Variants in SMG1 observed in about 807,000 individuals in gnomAD.
SMG1 encodes the protein SMG1 nonsense mediated mRNA decay associated PI3K related kinase, also known as serine/threonine-protein kinase SMG1.
Under a neutral mutation model 419.9 loss-of-function variants are expected in SMG1, and 22 were observed. That is an observed-to-expected ratio of 0.05 (90% CI 0.04 to 0.07). The LOEUF is 0.07. Among genes scored for constraint, SMG1 ranks in the 10% least tolerant of loss-of-function variants. The pLI, the probability that SMG1 is intolerant of heterozygous loss-of-function variation, is 1.00. For missense variants in SMG1, 3,185 were observed against 4,342.0 expected (o/e 0.73, Z 7.49); for synonymous variants, 1,538 against 1,553.5 (o/e 0.99, Z 0.23).
At position 18,846,325 on chromosome 16, in the gene SMG1, A is replaced by G. The variant is rs112807210; in HGVS notation, c.5997-674T>C. On this transcript the variant is annotated intron_variant, in intron 38 of 62. Transcript: ENST00000446231. ...AGGTTTCATGACCCCAGACTTGGCAATGATTCCTTGGATATGGCACCAAAA... is the reference window on the plus strand; with the variant it reads ...AGGTTTCATGACCCCAGACTTGGCAGTGATTCCTTGGATATGGCACCAAAA... Among the ~76,000 whole-genome samples, 552 of 152,328 alleles carry G rather than the reference A, an allele frequency of 3.6e-3. 4 individuals are homozygous for G. The highest frequency in any genetic ancestry group is 0.013 in the African/African-American group (523 of 41,574).
Position 18,869,938 on chromosome 16 carries a change from C to T in SMG1, c.2549G>A (p.Ser850Asn), listed in dbSNP as rs1338963571. 3.9e-6 allele frequency: 6 copies of T among 1,525,108 alleles called. No homozygotes were observed. Among genetic ancestry groups the T allele is most frequent in the Admixed American group, 3.5e-5 (2 of 56,784 alleles). 94.5% of individuals were successfully genotyped at this position (1,525,108 alleles called of 1,614,324 possible). The change falls in exon 19 of 63, where the codon AGT (serine) becomes AAT (asparagine). Residue 850 changes from serine to asparagine, a missense_variant. Ser to Asn is a conservative substitution (Grantham distance 46, BLOSUM62 1). This residue lies in a region of SMG1 where 297 missense variants were observed against 491.0 expected (regional missense o/e 0.60). Coordinates refer to ENST00000446231, the MANE Select transcript of SMG1 (RefSeq NM_015092.5). ...GTGGAATGTATTACTTGGTGCTTTA[C>T]TCATGTGACTTCTTAATGCTAAAGA... ...EISLALRSHM[S>N]KAPSNTFHPQ... is the part of the protein sequence containing the mutation.
At position 18,829,476 on chromosome 16, in the gene SMG1, C is replaced by G. The variant is rs969879935; in HGVS notation, c.9413G>C (p.Cys3138Ser). The G allele has an allele frequency of 3.5e-5, 57 of 1,613,912 alleles. No individual in the cohort carries two copies. Among genetic ancestry groups the G allele is most frequent in the Non-Finnish European group, 4.8e-5 (57 of 1,179,912 alleles). Residue 3138 changes from cysteine to serine, a missense_variant, in exon 54 of 63, where the codon TGT (cysteine) becomes TCT (serine). Cys to Ser is a moderately radical substitution (Grantham distance 112). This residue lies in a region of SMG1 where 737 missense variants were observed against 846.6 expected (regional missense o/e 0.87). Transcript: ENST00000446231. ...AESKVSVDDL[C>S]KKAVEHNIQI... ...GATGTTATGTTCCACCGCTTTCTTA[C>G]AGAGATCATCAACAGAAACTTTGCT...
At chr16:18,827,975 G>A in intron 55 of SMG1, 56 bp downstream of exon 55, 1 of 1,552,574 alleles carries the variant, frequency 6.4e-7, no homozygotes, top group East Asian at 2.3e-5. Flanking sequence ...AACAATCATA[G>A]TATTGGTTAT....
chr16:18,850,383 A>C lies in SMG1; in HGVS notation c.5137T>G (p.Ser1713Ala), dbSNP rs201727799. 1 of 1,614,006 alleles carries C rather than the reference A, an allele frequency of 6.2e-7. No homozygotes were observed. The highest frequency in any genetic ancestry group is 8.5e-7 in the Non-Finnish European group (1 of 1,179,884). Residue 1713 changes from serine to alanine, a missense_variant, in exon 34 of 63, where the codon TCA (serine) becomes GCA (alanine). Around this residue, in one of 27 missense-constraint regions of SMG1, gnomAD observed 493 missense variants for 552.9 expected, o/e 0.89. Transcript: ENST00000446231. ...MVDVIWRQLI[S>A]SCPWLSELDE... ...AGTTCTGAAAGCCATGGGCAGCTTG[A>C]TATCAACTGACGCCAGATAACATCA...
chr16:18,817,308 G>A lies in SMG1; in HGVS notation c.10057C>T (p.Arg3353Cys), dbSNP rs1330290295. ...FNSSVSELEL[R>C]LLQRVDTGLE... ...AGACTCACCACTCTCTGTAATAAAC[G>A]AAGCTCTAACTCAGACACTGAACTG... The change falls in exon 57 of 63, where the codon CGT (arginine) becomes TGT (cysteine). Residue 3353 changes from arginine to cysteine, a missense_variant. Arg to Cys is a radical substitution (Grantham distance 180). Around this residue, in one of 27 missense-constraint regions of SMG1, gnomAD observed 737 missense variants for 846.6 expected, o/e 0.87. Coordinates refer to ENST00000446231, the MANE Select transcript of SMG1 (RefSeq NM_015092.5). 1.9e-6 allele frequency: 3 copies of A among 1,603,894 alleles called. No individual in the cohort carries two copies. Among genetic ancestry groups the A allele is most frequent in the Non-Finnish European group, 2.6e-6 (3 of 1,175,152 alleles).
chr16:18,844,252 A>C (rs2034099359), intron 39 of SMG1, among the ~76,000 whole-genome samples: 1 of 152,022 alleles, frequency 6.6e-6, no homozygotes, highest in East Asian at 1.9e-4. Flanking sequence ...AACATGGTGA[A>C]ACTCCGTCTC....
At chr16:18,857,822 A>G (rs1317911427) in intron 29 of SMG1, 1 of 172,356 alleles carries the variant, frequency 5.8e-6, no homozygotes, top group Non-Finnish European at 1.2e-5. Context: ...GATACATGCA[A>G]TATGGGTGAA....
chr16:18,841,713 T>G lies in SMG1; in HGVS notation c.6548A>C (p.Gln2183Pro), dbSNP rs1207451641. Residue 2183 changes from glutamine (Q) to proline (P), a missense_variant, in exon 41 of 63, where the codon CAA becomes CCA. Transcript: ENST00000446231. ...VNTMFATINR[Q>P]ETPRFHARHY... is the part of the protein sequence containing the mutation. ...TCGAGCATGGAACCGGGGTGTTTCTTGGCGATTAATTGTAGCAAACATGGT... is the reference window on the plus strand; with the variant it reads ...TCGAGCATGGAACCGGGGTGTTTCTGGGCGATTAATTGTAGCAAACATGGT... 6.2e-7 allele frequency: 1 copy of G among 1,614,022 alleles called. No homozygotes were observed. Among genetic ancestry groups the G allele is most frequent in the Admixed American group, 1.7e-5 (1 of 60,016 alleles).
At chr16:18,839,580 A>T (rs2033792434) in intron 42 of SMG1, 118 bp downstream of exon 42, 1 of 1,355,688 alleles carries the variant, frequency 7.4e-7, no homozygotes, top group African/African-American at 1.5e-5. Flanking sequence ...TATACGTCTC[A>T]AACTACCAAG....
At chr16:18,830,706 G>A (rs945444667) in intron 51 of SMG1, among the ~76,000 whole-genome samples, 11 of 152,058 alleles carry the variant, frequency 7.2e-5, no homozygotes, top group African/African-American at 2.2e-4. Flanking sequence ...TAGGAGAATC[G>A]CTTGAACCTA....
intron 60 of SMG1, among the ~76,000 whole-genome samples, chr16:18,812,661 C>T (rs201390827): frequency 7.3e-5 from 11 of 150,892 alleles, no homozygotes; most frequent in Admixed American, 5.3e-4. Flanking sequence ...CACACACACA[C>T]ATATATATAT....
In SMG1 at chr16:18,916,283, A is replaced by C. The variant is rs570678002; in HGVS notation, c.92+9667T>G. Among the ~76,000 whole-genome samples, 1,010 of 151,802 alleles carry C rather than the reference A, an allele frequency of 6.7e-3. 9 individuals are homozygous for C. The highest frequency in any genetic ancestry group is 0.022 in the African/African-American group (895 of 41,488). On this transcript the variant is annotated intron_variant, in intron 1 of 62. Coordinates refer to ENST00000446231, the MANE Select transcript of SMG1 (RefSeq NM_015092.5). Reference sequence around the variant, plus strand: ...GTAATCCCAGCACTTTGGGAGGCCAAGGTGGGCGGATCACGAGGTCAGGAG... The same window carrying C: ...GTAATCCCAGCACTTTGGGAGGCCACGGTGGGCGGATCACGAGGTCAGGAG...
intron 1 of SMG1, among the ~76,000 whole-genome samples, chr16:18,906,499 G>A (rs1253157685): frequency 1.3e-5 from 2 of 151,984 alleles, no homozygotes; most frequent in Non-Finnish European, 2.9e-5. Flanking sequence ...GGGGTGGGGT[G>A]GGGAAGATAC....
At chr16:18,865,499 G>A (rs1350732414) in intron 23 of SMG1, among the ~76,000 whole-genome samples, 3 of 151,556 alleles carry the variant, frequency 2.0e-5, no homozygotes. Context: ...TTCCAAGAAA[G>A]TAATCAGAAA....
rs370280348 is a variant in SMG1 at position 18,836,274 on chromosome 16, C to T, written c.7778-62G>A. 1.6e-4 allele frequency: 254 copies of T among 1,589,980 alleles called. 1 individual carries two copies. The South Asian group carries it at 2.7e-3, about 17-fold the overall frequency. ...GGGTCAAGTCAGCTGTCACTAAAAG[C>T]AAGCACAAACCAGGACCCCACACAA... On this transcript the variant is annotated intron_variant, in intron 47 of 62. Transcript: ENST00000446231.
At chr16:18,835,195 T>TA in intron 48 of SMG1, 31 bp from the exon 49 acceptor site, 6 of 1,584,908 alleles carry the variant, frequency 3.8e-6, no homozygotes, top group Non-Finnish European at 5.2e-6. Context: ...TGCTTGTTTA[T>TA]AACACAACCA....
rs1480830766 is a variant in SMG1 at position 18,805,468 on chromosome 16, T to G, written c.*4101A>C. On this transcript the variant is annotated 3_prime_UTR_variant, in exon 63 of 63. Transcript: ENST00000446231. ...AAACGACCCTAAGTAGTTCATATTT[T>G]ACAGCCCTTGAACTTATAAAGCTTT... 2.6e-5 allele frequency: 4 copies of G among 152,320 alleles called. No individual in the cohort carries two copies. In the East Asian group the frequency reaches 7.7e-4, roughly 29 times the overall value. The allele number at this position is 152,320 out of a possible 1,614,324, so 9.4% of individuals were successfully genotyped here.
At chr16:18,921,790 T>A (rs2038210177) in intron 1 of SMG1, among the ~76,000 whole-genome samples, 1 of 152,234 alleles carries the variant, frequency 6.6e-6, no homozygotes, top group Non-Finnish European at 1.5e-5. Context: ...GTATACAGCT[T>A]TTCTAATTTC....
At chr16:18,812,651 C>CATAT (rs915873212) in intron 60 of SMG1, among the ~76,000 whole-genome samples, 6 of 117,462 alleles carry the variant, frequency 5.1e-5, no homozygotes, top group Non-Finnish European at 9.5e-5. Flanking sequence ...CACATATACA[C>CATAT]ACACACACAC....
Sources: gnomAD v4.1 joint callset for allele counts (sites outside exome capture counted in the v4.1 genomes callset) on GRCh38, gnomAD v4.1.1 for gene constraint, gnomAD v4.1.1 regional missense constraint, MANE v1.5 for transcripts, NCBI Gene and HGNC (gene_info 2026-07-23, HGNC 2026-07-21) for gene names.